NCALD: variants seen among roughly 807,000 people sequenced by gnomAD.
NCALD encodes the protein neurocalcin-delta.
In NCALD, 10 loss-of-function variants were observed where a neutral mutation model predicts 18.6. That is an observed-to-expected ratio of 0.54 (90% confidence interval 0.33 to 0.91). The LOEUF is 0.91. Among genes scored for constraint, NCALD ranks in the 40% least tolerant of loss-of-function variants. The pLI is 0.03. For synonymous variants in NCALD, 88 were observed against 87.4 expected, an observed-to-expected ratio of 1.01 and a Z score of -0.04; for missense variants, 184 against 247.6, an observed-to-expected ratio of 0.74 and a Z score of 1.72.
Position 101,883,394 on chromosome 8 carries a change from C to T in NCALD, c.-20+3747G>A, listed in dbSNP as rs148621019. 2.4e-4 allele frequency among the ~76,000 whole-genome samples: 36 copies of T among 152,220 alleles called. No homozygotes were observed. The East Asian group carries it at 5.8e-3, about 24-fold the overall frequency. ...AGAAATAGACTCTGAAATGCTCTTC[C>T]GCTCAGCTCCTTCTCCATCAGTGTT... On this transcript the variant is annotated intron_variant, in intron 4 of 6. Transcript: ENST00000311028.
chr8:102,118,627 T>C (rs761919612), intron 1 of NCALD, among the ~76,000 whole-genome samples: 5 of 152,204 alleles, frequency 3.3e-5, no homozygotes, highest in African/African-American at 4.8e-5. Context: ...CTCCCCAAGT[T>C]CAGTACCATT....
Position 101,806,180 on chromosome 8 carries a change from A to C in NCALD, c.-20+80961T>G, listed in dbSNP as rs140769991. On this transcript the variant is annotated intron_variant, in intron 4 of 6. Coordinates refer to the NCALD transcript ENST00000311028. ...AAATAGTTTAATCAAGTCATTAAAA[A>C]CAACAACAAAAAACCCCCAAGCAAA... Among the ~76,000 whole-genome samples, 1,312 of 152,142 alleles carry C rather than the reference A, an allele frequency of 8.6e-3. 13 individuals carry two copies. The highest frequency in any genetic ancestry group is 0.013 in the Non-Finnish European group (885 of 67,966).
intron 1 of NCALD, among the ~76,000 whole-genome samples, chr8:101,746,253 C>T (rs952948518): frequency 1.3e-5 from 2 of 152,098 alleles, no homozygotes; most frequent in Non-Finnish European, 2.9e-5. Flanking sequence ...CATCAAGGTC[C>T]AATATCTGGA....
At position 101,712,468 on chromosome 8, in the gene NCALD, A is replaced by C. The variant is rs1246479985; in HGVS notation, c.378+6784T>G. Among the ~76,000 whole-genome samples, 6 of 151,964 alleles carry C rather than the reference A, an allele frequency of 3.9e-5. No individual in the cohort carries two copies. In the East Asian group the frequency reaches 1.2e-3, roughly 29 times the overall value. On this transcript the variant is annotated intron_variant, in intron 2 of 3. Coordinates refer to ENST00000220931, the MANE Select transcript of NCALD (RefSeq NM_032041.3). ...CCAATTAAAAGGCACAGACTGGCAA[A>C]TTGGATAAAGAGTCAAGACCCATCA... is the stretch of plus-strand genomic sequence containing the variant.
chr8:102,067,947 C>A (rs1046888323), intron 1 of NCALD, among the ~76,000 whole-genome samples: 1 of 152,206 alleles, frequency 6.6e-6, no homozygotes, highest in Admixed American at 6.5e-5. Context: ...ACAGGCTCCC[C>A]CTTCGCTCTG....
At chr8:101,940,120 A>T (rs1374982794) in intron 2 of NCALD, among the ~76,000 whole-genome samples, 4 of 152,230 alleles carry the variant, frequency 2.6e-5, no homozygotes, top group South Asian at 2.1e-4. Flanking sequence ...CATCTTGAGC[A>T]TAGTGAATTT....
intron 1 of NCALD, among the ~76,000 whole-genome samples, chr8:102,097,470 G>C (rs1450081314): frequency 6.6e-6 from 1 of 152,202 alleles, no homozygotes; most frequent in East Asian, 1.9e-4. Context: ...TTTTGGCTTT[G>C]TGCTGTGTGG....
intron 4 of NCALD, among the ~76,000 whole-genome samples, chr8:101,798,528 A>C (rs1159196569): frequency 6.6e-6 from 1 of 152,248 alleles, no homozygotes. Context: ...AAATGGAGAC[A>C]GATGCCATGT....
intron 4 of NCALD, among the ~76,000 whole-genome samples, chr8:101,799,521 C>A (rs1421079782): frequency 6.6e-6 from 1 of 152,150 alleles, no homozygotes; most frequent in Non-Finnish European, 1.5e-5. Context: ...GGGAACCACC[C>A]AGAGGCTTTG....
upstream of NCALD, among the ~76,000 whole-genome samples, chr8:101,791,489 T>A (rs1812444170): frequency 6.6e-6 from 1 of 151,790 alleles, no homozygotes; most frequent in South Asian, 2.1e-4. Context: ...TATATCAGAG[T>A]CTACATGGAT....
At chr8:101,843,358 G>C (rs1814723403) in intron 4 of NCALD, among the ~76,000 whole-genome samples, 1 of 152,168 alleles carries the variant, frequency 6.6e-6, no homozygotes, top group Non-Finnish European at 1.5e-5. Context: ...ATCAGAACTA[G>C]ACGGAGTCAA....
intron 1 of NCALD, among the ~76,000 whole-genome samples, chr8:101,739,197 T>C (rs1810074683): frequency 6.6e-6 from 1 of 152,140 alleles, no homozygotes; most frequent in South Asian, 2.1e-4. Context: ...CTCCCCACCA[T>C]GTCCTCATGG....
chr8:101,741,164 C>A (rs1030937460), intron 1 of NCALD, among the ~76,000 whole-genome samples: 1 of 151,648 alleles, frequency 6.6e-6, no homozygotes, highest in Non-Finnish European at 1.5e-5. Flanking sequence ...AATTCTGCAT[C>A]CTGTATCCCT....
chr8:102,048,671 T>A (rs560690374), intron 1 of NCALD, among the ~76,000 whole-genome samples: 3 of 152,240 alleles, frequency 2.0e-5, no homozygotes, highest in Non-Finnish European at 2.9e-5. Flanking sequence ...GTCAGAGGTT[T>A]CATTAAATGT....
At chr8:101,773,158 C>A (rs1811655032) in intron 1 of NCALD, among the ~76,000 whole-genome samples, 1 of 152,092 alleles carries the variant, frequency 6.6e-6, no homozygotes, top group Non-Finnish European at 1.5e-5. Context: ...ATCAAGAAGC[C>A]TCCCTTGATT....
chr8:101,789,165 T>A (rs1812354507), intron 1 of NCALD: 1 of 152,166 alleles, frequency 6.6e-6, no homozygotes, highest in African/African-American at 2.4e-5. Flanking sequence ...GAAGTAAATG[T>A]CAAAGTGTAC....
At chr8:101,766,963 C>T (rs1033272193) in intron 1 of NCALD, among the ~76,000 whole-genome samples, 3 of 152,204 alleles carry the variant, frequency 2.0e-5, no homozygotes, top group African/African-American at 4.8e-5. Context: ...TAATCATACT[C>T]TATGTATAGT....
chr8:101,801,102 G>C (rs1563782478), intron 4 of NCALD, among the ~76,000 whole-genome samples: 1 of 151,754 alleles, frequency 6.6e-6, no homozygotes, highest in Non-Finnish European at 1.5e-5. Flanking sequence ...GGAGGAAAAA[G>C]AAAGAGAAAG....
chr8:102,099,803 A>C (rs1281720217), intron 1 of NCALD, among the ~76,000 whole-genome samples: 1 of 151,708 alleles, frequency 6.6e-6, no homozygotes, highest in Admixed American at 6.6e-5. Flanking sequence ...AAAAAACCCT[A>C]TCTCTACTAA....
Sources: allele counts gnomAD v4.1 joint callset (sites outside exome capture counted in the v4.1 genomes callset), GRCh38; gene constraint gnomAD v4.1.1; transcripts MANE v1.5; gene names NCBI Gene and HGNC (gene_info 2026-07-23, HGNC 2026-07-21).